Variants in TRIM2 observed in about 807,000 individuals in gnomAD.
TRIM2 encodes tripartite motif-containing protein 2.
In TRIM2, 20 loss-of-function variants were observed where a neutral mutation model predicts 75.2. The ratio of observed to expected loss-of-function variants is 0.27; its 90% CI spans 0.19 to 0.39. The LOEUF is 0.39. Ranked by LOEUF, TRIM2 falls within the 10% of genes least tolerant of loss-of-function variation. The pLI, the probability that TRIM2 is intolerant of heterozygous loss-of-function variation, is 1.00. For missense variants in TRIM2, 660 were observed against 990.8 expected (o/e 0.67, Z 4.48); for synonymous variants, 373 against 388.3 (o/e 0.96, Z 0.46).
chr4:153,187,686 G>T (rs1378081755), intron 1 of TRIM2, among the ~76,000 whole-genome samples: 1 of 152,202 alleles, frequency 6.6e-6, no homozygotes, highest in African/African-American at 2.4e-5. Context: ...CAGGTGGGCT[G>T]CATGGAGGAG....
chr4:153,303,414 A>G (rs1467388183), intron 6 of TRIM2, among the ~76,000 whole-genome samples: 1 of 151,520 alleles, frequency 6.6e-6, no homozygotes, highest in Non-Finnish European at 1.5e-5. Flanking sequence ...CGGAGATTGC[A>G]GTGAGCCAAG....
chr4:153,305,767 A>T (rs987049041), intron 6 of TRIM2, among the ~76,000 whole-genome samples: 1 of 152,244 alleles, frequency 6.6e-6, no homozygotes, highest in Non-Finnish European at 1.5e-5. Context: ...ATAACCCCTT[A>T]AAAGCCTCAC....
In TRIM2 at chr4:153,173,470, T is replaced by C. The variant is rs554068160; in HGVS notation, c.-49+20200T>C. The stretch of plus-strand genomic sequence containing the variant: ...CGAGGTCAGGAGTTTGAGACCAGCC[T>C]GGCAACATGGTAAAACCCCATCTCT... On this transcript the variant is annotated intron_variant, in intron 1 of 11. Transcript: ENST00000437508. 4.6e-5 allele frequency among the ~76,000 whole-genome samples: 7 copies of C among 150,586 alleles called. No homozygotes were observed. The East Asian group carries it at 1.4e-3, about 30-fold the overall frequency.
rs556836439 is a variant in TRIM2 at position 153,244,731 on chromosome 4, G to C, written c.31-25604G>C. 7.9e-5 allele frequency among the ~76,000 whole-genome samples: 12 copies of C among 152,164 alleles called. 1 individual carries two copies. The East Asian group carries it at 2.3e-3, about 29-fold the overall frequency. On this transcript the variant is annotated intron_variant, in intron 1 of 11. Coordinates refer to ENST00000338700, the MANE Select transcript of TRIM2 (RefSeq NM_015271.5). ...AGAATTTCTGGCCTGCAAATAATTG[G>C]ATATGAACTAGAGAATAAATATCTT...
At chr4:153,326,245 A>T (rs1478460370) in intron 10 of TRIM2, among the ~76,000 whole-genome samples, 3 of 152,256 alleles carry the variant, frequency 2.0e-5, no homozygotes, top group African/African-American at 7.2e-5. Context: ...GAAAAATAGA[A>T]AATATGAAAC....
chr4:153,275,872 C>T (rs1370191619), intron 2 of TRIM2, 21 bp from the exon 3 acceptor site: 2 of 1,609,028 alleles, frequency 1.2e-6, no homozygotes, highest in Non-Finnish European at 1.7e-6. Flanking sequence ...GCTAAGCTCT[C>T]CACCTCTGCT....
intron 1 of TRIM2, among the ~76,000 whole-genome samples, chr4:153,164,484 G>T (rs534441482): frequency 6.6e-6 from 1 of 151,860 alleles, no homozygotes; most frequent in South Asian, 2.1e-4. Context: ...TCTTCTTTCT[G>T]CTATTTCTGT....
Position 153,324,770 on chromosome 4 carries a change from T to C in TRIM2, c.2022+622T>C, listed in dbSNP as rs10001079. Among the ~76,000 whole-genome samples, 4 of 152,134 alleles carry C rather than the reference T, an allele frequency of 2.6e-5. No homozygotes were observed. In the South Asian group the frequency reaches 8.3e-4, roughly 32 times the overall value. On this transcript the variant is annotated intron_variant, in intron 10 of 11. Coordinates refer to ENST00000338700, the MANE Select transcript of TRIM2 (RefSeq NM_015271.5). ...CTCACTTACTGAAATGATGAGGAAA[T>C]ATTTAGTAATATCCTAGATCAGGCT...
intron 1 of TRIM2, among the ~76,000 whole-genome samples, chr4:153,227,934 ATTG>A (rs1742594091): frequency 6.6e-6 from 1 of 152,150 alleles, no homozygotes; most frequent in Non-Finnish European, 1.5e-5. Flanking sequence ...GGCTCTCCTT[ATTG>A]TTCAGCATAT....
At chr4:153,326,875 G>A (rs1297885176) in intron 10 of TRIM2, among the ~76,000 whole-genome samples, 2 of 151,738 alleles carry the variant, frequency 1.3e-5, no homozygotes, top group South Asian at 4.2e-4. Flanking sequence ...CAGGCCCTCA[G>A]GAGGTTGAGG....
chr4:153,302,895 C>T (rs942187979), intron 6 of TRIM2, among the ~76,000 whole-genome samples: 1 of 152,168 alleles, frequency 6.6e-6, no homozygotes, highest in Non-Finnish European at 1.5e-5. Context: ...AAAAAATACA[C>T]AGAAGAATGC....
chr4:153,296,102 T>C (rs1762710325), intron 6 of TRIM2, 66 bp downstream of exon 6: 1 of 1,489,816 alleles, frequency 6.7e-7, no homozygotes, highest in Non-Finnish European at 8.9e-7. Flanking sequence ...TGGGCACGTG[T>C]CATTGCAAAT....
chr4:153,196,501 G>A (rs1337700426), intron 1 of TRIM2, among the ~76,000 whole-genome samples: 1 of 152,146 alleles, frequency 6.6e-6, no homozygotes, highest in East Asian at 1.9e-4. Context: ...GAATGAGCGT[G>A]AGTTCCTATG....
At chr4:153,334,314 T>C (rs1005471853) in intron 11 of TRIM2, among the ~76,000 whole-genome samples, 5 of 151,246 alleles carry the variant, frequency 3.3e-5, no homozygotes, top group African/African-American at 1.2e-4. Context: ...ATTATAGATA[T>C]GATAGTGACA....
chr4:153,190,662 A>G (rs1298821831), intron 1 of TRIM2, among the ~76,000 whole-genome samples: 1 of 152,266 alleles, frequency 6.6e-6, no homozygotes, highest in Non-Finnish European at 1.5e-5. Flanking sequence ...ATACTAGGGC[A>G]TCTGACAAGA....
chr4:153,164,233 G>T (rs1730056352), intron 1 of TRIM2, among the ~76,000 whole-genome samples: 1 of 152,040 alleles, frequency 6.6e-6, no homozygotes, highest in African/African-American at 2.4e-5. Flanking sequence ...TTAACTCCTG[G>T]CCTCAAGCAA....
intron 1 of TRIM2, among the ~76,000 whole-genome samples, chr4:153,239,834 C>CTTTTT (rs372940429): frequency 1.1e-4 from 13 of 117,664 alleles, no homozygotes; most frequent in African/African-American, 3.3e-4. Flanking sequence ...CTTTCTTTCT[C>CTTTTT]TTTTTTTTTT....
intron 1 of TRIM2, among the ~76,000 whole-genome samples, chr4:153,227,645 G>C (rs11724735): frequency 0.025 from 3,731 of 152,258 alleles, 65 homozygotes; most frequent in South Asian, 0.043. Flanking sequence ...TCGTTAGCTT[G>C]CCCGTATGTC....
At position 153,253,322 on chromosome 4, in the gene TRIM2, C is replaced by T. The variant is rs955786087; in HGVS notation, c.31-17013C>T. ...GACAGATGTACTTTTAACGTACTCT[C>T]CCAAGCATTGGAGCAGGTTTGGCAT... On this transcript the variant is annotated intron_variant, in intron 1 of 11. Transcript: ENST00000338700. 1.2e-4 allele frequency among the ~76,000 whole-genome samples: 19 copies of T among 152,076 alleles called. 1 individual carries two copies. The highest frequency in any genetic ancestry group is 1.2e-3 in the East Asian group (6 of 5,192).
Sources: allele counts gnomAD v4.1 joint callset (sites outside exome capture counted in the v4.1 genomes callset), GRCh38; gene constraint gnomAD v4.1.1; transcripts MANE v1.5; gene names NCBI Gene and HGNC (gene_info 2026-07-23, HGNC 2026-07-21).